FAM117B: variants seen among roughly 807,000 people sequenced by gnomAD.
The protein encoded by FAM117B is protein FAM117B.
In FAM117B, 22 loss-of-function variants were observed where a neutral mutation model predicts 52.8. The ratio of observed to expected loss-of-function variants is 0.42; its 90% CI spans 0.30 to 0.59. The LOEUF (loss-of-function observed/expected upper bound fraction) is 0.59. Ranked by LOEUF, FAM117B falls within the 20% of genes least tolerant of loss-of-function variation. The pLI is 0.22. For missense variants in FAM117B, 678 were observed against 802.6 expected, an observed-to-expected ratio of 0.84 and a Z score of 1.88; for synonymous variants, 309 against 324.1, an observed-to-expected ratio of 0.95 and a Z score of 0.50.
At chr2:202,719,084 A>G (rs1056168009) in intron 2 of FAM117B, among the ~76,000 whole-genome samples, 13 of 152,270 alleles carry the variant, frequency 8.5e-5, no homozygotes, top group East Asian at 1.9e-4. Context: ...TTAAAACTCA[A>G]TTTTACTTTT....
At position 202,729,855 on chromosome 2, in the gene FAM117B, C is replaced by T. The variant is rs545712244; in HGVS notation, c.960+3492C>T. Among the ~76,000 whole-genome samples, 5 of 152,226 alleles carry T rather than the reference C, an allele frequency of 3.3e-5. 1 individual carries two copies. Among genetic ancestry groups the T allele is most frequent in the African/African-American group, 1.2e-4 (5 of 41,530 alleles). On this transcript the variant is annotated intron_variant, in intron 4 of 7. Coordinates refer to ENST00000392238, the MANE Select transcript of FAM117B (RefSeq NM_173511.4). The stretch of plus-strand genomic sequence containing the variant: ...ATGTTCACTTATTAAGACATTTAGA[C>T]TTCAACCTAGGCTATTTTTTAAAAT...
chr2:202,681,925 G>A (rs1690468179), intron 1 of FAM117B, among the ~76,000 whole-genome samples: 1 of 152,134 alleles, frequency 6.6e-6, no homozygotes, highest in African/African-American at 2.4e-5. Flanking sequence ...GGCCTGCCCC[G>A]CCCCTCATTC....
Position 202,635,699 on chromosome 2 carries a change from C to G in FAM117B, c.512C>G (p.Pro171Arg). ...GGCGAGGTGAGCGCGGCCCCACCCC[C>G]AGCCCGCGTCCGGCATCGGAGGAGG... ...WTGEVSAAPP[P>R]ARVRHRRRSP... Residue 171 changes from proline (P) to arginine (R), a missense_variant, in exon 1 of 8, where the codon CCA (proline) becomes CGA (arginine). Transcript: ENST00000392238. The G allele has an allele frequency of 4.2e-6, 6 of 1,430,620 alleles. No homozygotes were observed. The South Asian group carries it at 8.2e-5, about 20-fold the overall frequency. The allele number at this position is 1,430,620 out of a possible 1,614,324, so 88.6% of individuals were successfully genotyped here.
intron 2 of FAM117B, among the ~76,000 whole-genome samples, chr2:202,713,648 G>A (rs1690990936): frequency 6.6e-6 from 1 of 152,066 alleles, no homozygotes; most frequent in African/African-American, 2.4e-5. Context: ...GGCACTTTTA[G>A]CTGTAAAATT....
chr2:202,663,486 T>G (rs1160069800), intron 1 of FAM117B, among the ~76,000 whole-genome samples: 1 of 152,222 alleles, frequency 6.6e-6, no homozygotes, highest in Non-Finnish European at 1.5e-5. Context: ...TGTTATAATC[T>G]TCTCTGAAAT....
intron 1 of FAM117B, among the ~76,000 whole-genome samples, chr2:202,642,226 T>C (rs1689781543): frequency 6.6e-6 from 1 of 150,968 alleles, no homozygotes; most frequent in Admixed American, 6.6e-5. Flanking sequence ...GTGCTGGGAT[T>C]GCAAGCGTGA....
chr2:202,741,824 C>T (rs773574975), intron 4 of FAM117B, among the ~76,000 whole-genome samples: 17 of 152,138 alleles, frequency 1.1e-4, no homozygotes, highest in South Asian at 2.1e-4. Context: ...TGAGCCACCG[C>T]GCCTGGCCAG....
At chr2:202,762,740 G>A (rs1691913203) in intron 7 of FAM117B, among the ~76,000 whole-genome samples, 1 of 152,008 alleles carries the variant, frequency 6.6e-6, no homozygotes, top group African/African-American at 2.4e-5. Flanking sequence ...AGCCACAGAG[G>A]TTAGGAAAGT....
intron 7 of FAM117B, 141 bp downstream of exon 7, chr2:202,759,494 T>G: frequency 9.0e-7 from 1 of 1,106,408 alleles, no homozygotes; most frequent in Admixed American, 3.0e-5. Flanking sequence ...TTAGCTCAAG[T>G]TATCTTCCCA....
chr2:202,731,776 C>T (rs1275918360), intron 4 of FAM117B, among the ~76,000 whole-genome samples: 1 of 150,074 alleles, frequency 6.7e-6, no homozygotes, highest in East Asian at 2.0e-4. Flanking sequence ...ACTCTTTATG[C>T]CCAGGCTAGA....
chr2:202,714,235 G>A (rs1691002287), intron 2 of FAM117B, among the ~76,000 whole-genome samples: 1 of 152,032 alleles, frequency 6.6e-6, no homozygotes, highest in Admixed American at 6.5e-5. Context: ...AACATAGTCT[G>A]TCCTTGAGAA....
chr2:202,687,093 C>A lies in FAM117B; in HGVS notation c.602-8788C>A, dbSNP rs958892926. Among the ~76,000 whole-genome samples the A allele has an allele frequency of 1.2e-4, 19 of 152,122 alleles. 1 individual carries two copies. The highest frequency in any genetic ancestry group is 1.2e-3 in the Admixed American group (19 of 15,278). ...ATAATTACCACCACATATATTCATA[C>A]AATGGAGTACTCCTCAGCAATAAAA... On this transcript the variant is annotated intron_variant, in intron 1 of 7. Coordinates refer to ENST00000392238, the MANE Select transcript of FAM117B (RefSeq NM_173511.4).
intron 4 of FAM117B, among the ~76,000 whole-genome samples, chr2:202,734,401 G>A (rs1691407310): frequency 6.6e-6 from 1 of 152,166 alleles, no homozygotes; most frequent in Admixed American, 6.5e-5. Context: ...CAATTTAAAT[G>A]AGTGAATTGT....
At chr2:202,645,493 G>A (rs184001446) in intron 1 of FAM117B, among the ~76,000 whole-genome samples, 64 of 146,296 alleles carry the variant, frequency 4.4e-4, no homozygotes, top group African/African-American at 1.6e-3. Context: ...GTTTCACTGT[G>A]TTAGCCAGGA....
At position 202,765,386 on chromosome 2, in the gene FAM117B, T is replaced by A. The variant is rs188764343; in HGVS notation, c.1452-60T>A. 1.7e-4 allele frequency: 250 copies of A among 1,435,948 alleles called. 1 individual carries two copies. The African/African-American group carries it at 2.5e-3, about 14-fold the overall frequency. 89.0% of individuals were successfully genotyped at this position (1,435,948 alleles called of 1,614,324 possible). On this transcript the variant is annotated intron_variant, in intron 7 of 7. Coordinates refer to ENST00000392238, the MANE Select transcript of FAM117B (RefSeq NM_173511.4). ...AAAGAGCTTGTTTCCAAGCTTTTTTTTTTTTTTATTTTTTAAGTTCAGTGA... is the reference window on the plus strand; with the variant it reads ...AAAGAGCTTGTTTCCAAGCTTTTTTATTTTTTTATTTTTTAAGTTCAGTGA...
At chr2:202,655,739 A>T (rs1690044588) in intron 1 of FAM117B, among the ~76,000 whole-genome samples, 1 of 148,506 alleles carries the variant, frequency 6.7e-6, no homozygotes, top group African/African-American at 2.6e-5. Context: ...AGAGAGAGAG[A>T]GAGAGAGAGA....
At chr2:202,657,779 T>C (rs1176360412) in intron 1 of FAM117B, among the ~76,000 whole-genome samples, 1 of 152,180 alleles carries the variant, frequency 6.6e-6, no homozygotes, top group African/African-American at 2.4e-5. Flanking sequence ...CCACCTCACC[T>C]GGCCCCTTCT....
At chr2:202,765,379 C>CTTT (rs373287818) in intron 7 of FAM117B, 67 bp from the exon 8 acceptor site, 25 of 1,131,128 alleles carry the variant, frequency 2.2e-5, no homozygotes, top group Admixed American at 5.2e-5. Flanking sequence ...TGTTTCCAAG[C>CTTT]TTTTTTTTTT....
At chr2:202,698,118 G>C (rs1293177766) in intron 2 of FAM117B, among the ~76,000 whole-genome samples, 1 of 152,184 alleles carries the variant, frequency 6.6e-6, no homozygotes, top group Admixed American at 6.5e-5. Flanking sequence ...TGATCTGCCA[G>C]CCTCCCAAAG....
Sources: allele counts gnomAD v4.1 joint callset (sites outside exome capture counted in the v4.1 genomes callset), GRCh38; gene constraint gnomAD v4.1.1; transcripts MANE v1.5; gene names NCBI Gene and HGNC (gene_info 2026-07-23, HGNC 2026-07-21).